The following CHODL variants were observed in gnomAD, a reference collection of about 807,000 sequenced individuals.
The protein encoded by CHODL is transmembrane protein MT75.
CHODL carries 29 observed loss-of-function variants against 34.5 expected under a neutral mutation model. The observed-to-expected ratio is 0.84, with a 90% CI of 0.63 to 1.15. The LOEUF is 1.15. Among genes scored for constraint, CHODL ranks in the 50% most tolerant of loss-of-function variants. CHODL has a pLI of 0.00. For missense variants in CHODL, 332 were observed against 332.5 expected, an observed-to-expected ratio of 1.00 and a Z score of 0.01; for synonymous variants, 125 against 116.1, an observed-to-expected ratio of 1.08 and a Z score of -0.49.
chr21:18,047,656 G>A (rs2146463218), intron 2 of CHODL, among the ~76,000 whole-genome samples: 1 of 152,032 alleles, frequency 6.6e-6, no homozygotes, highest in African/African-American at 2.4e-5. Flanking sequence ...AAACCCCAGA[G>A]TGCCACATAC....
intron 2 of CHODL, among the ~76,000 whole-genome samples, chr21:18,195,579 G>A (rs1381758167): frequency 6.6e-6 from 1 of 151,958 alleles, no homozygotes; most frequent in Non-Finnish European, 1.5e-5. Context: ...TCTGTGCCTG[G>A]CTTATTCCAC....
intron 5 of CHODL, among the ~76,000 whole-genome samples, chr21:18,263,904 T>C (rs2074413796): frequency 6.6e-6 from 1 of 150,632 alleles, no homozygotes; most frequent in South Asian, 2.1e-4. Flanking sequence ...TAATAACCTT[T>C]TTTTTTTTTT....
intron 2 of CHODL, among the ~76,000 whole-genome samples, chr21:18,215,288 C>T (rs991315380): frequency 1.3e-5 from 2 of 152,028 alleles, no homozygotes; most frequent in Non-Finnish European, 2.9e-5. Flanking sequence ...CCAGGTAGGG[C>T]TAGTCCTCCT....
intron 3 of CHODL, among the ~76,000 whole-genome samples, chr21:18,259,783 A>G (rs775742102): frequency 2.0e-5 from 3 of 152,222 alleles, no homozygotes; most frequent in Non-Finnish European, 4.4e-5. Context: ...GGGAAACCCA[A>G]ATAATACACT....
intron 2 of CHODL, among the ~76,000 whole-genome samples, chr21:18,210,799 A>G (rs1370872446): frequency 1.3e-5 from 2 of 152,170 alleles, no homozygotes; most frequent in Admixed American, 1.3e-4. Flanking sequence ...GACCCCTCAC[A>G]GTCTTATTTC....
chr21:18,127,672 G>GT (rs71318127), intron 2 of CHODL, among the ~76,000 whole-genome samples: 3,901 of 69,920 alleles, frequency 0.056, 625 homozygotes, highest in African/African-American at 0.11. Context: ...CGTTGCCATT[G>GT]TTTTTTTTTT....
At chr21:18,240,332 G>T (rs1359386058), upstream of CHODL, among the ~76,000 whole-genome samples, 1 of 152,010 alleles carries the variant, frequency 6.6e-6, no homozygotes, top group Non-Finnish European at 1.5e-5. Context: ...CAGTATTTCT[G>T]CAGTAGAATC....
chr21:18,213,179 T>C (rs1218482090), intron 2 of CHODL, among the ~76,000 whole-genome samples: 1 of 152,162 alleles, frequency 6.6e-6, no homozygotes, highest in Admixed American at 6.5e-5. Context: ...GACACTCTTA[T>C]AATTTAGTCA....
chr21:18,005,378 T>C (rs1428761938), intron 1 of CHODL, among the ~76,000 whole-genome samples: 2 of 152,260 alleles, frequency 1.3e-5, no homozygotes, highest in East Asian at 3.8e-4. Context: ...GTTTGCTTAA[T>C]AAAATAAAGA....
At chr21:17,936,617 T>G (rs185290952) in intron 1 of CHODL, among the ~76,000 whole-genome samples, 34 of 152,252 alleles carry the variant, frequency 2.2e-4, no homozygotes, top group Non-Finnish European at 2.9e-5. Context: ...TTTGCATACT[T>G]AAAATAATAA....
chr21:18,045,978 G>A (rs1309925872), intron 2 of CHODL, among the ~76,000 whole-genome samples: 1 of 151,896 alleles, frequency 6.6e-6, no homozygotes, highest in African/African-American at 2.4e-5. Flanking sequence ...ATAAATTTCT[G>A]TTCTTTATAA....
At chr21:18,232,959 ATATATATATATATG>A (rs1390000436) in intron 2 of CHODL, among the ~76,000 whole-genome samples, 6 of 143,114 alleles carry the variant, frequency 4.2e-5, no homozygotes, top group African/African-American at 1.6e-4. Context: ...ATATATATAT[ATATATATATATATG>A]TATATATATG....
Position 18,084,681 on chromosome 21 carries a change from C to G in CHODL, c.-45+56710C>G, listed in dbSNP as rs139858358. Among the ~76,000 whole-genome samples, 1,310 of 152,166 alleles carry G rather than the reference C, an allele frequency of 8.6e-3. 23 individuals carry two copies. Among genetic ancestry groups the G allele is most frequent in the South Asian group, 0.049 (236 of 4,818 alleles). On this transcript the variant is annotated intron_variant, in intron 2 of 6. Transcript: ENST00000400127. ...AAAAACTTTAAGACTTGTTTTATGGCCTAATACATGGTCTATCTTGGAGAA... is the reference window on the plus strand; with the variant it reads ...AAAAACTTTAAGACTTGTTTTATGGGCTAATACATGGTCTATCTTGGAGAA...
At chr21:18,257,276 T>C (rs2074329481) in intron 3 of CHODL, 149 bp downstream of exon 3, 5 of 692,786 alleles carry the variant, frequency 7.2e-6, no homozygotes, top group Non-Finnish European at 1.2e-5. Context: ...ACTCGTGTAA[T>C]GAAGCATATC....
At chr21:17,947,729 T>A (rs2146338310) in intron 1 of CHODL, among the ~76,000 whole-genome samples, 1 of 152,260 alleles carries the variant, frequency 6.6e-6, no homozygotes, top group Middle Eastern at 3.4e-3. Context: ...ACCAGCTCTT[T>A]GGAAAACAGG....
chr21:18,097,367 G>A (rs3962804), intron 2 of CHODL, among the ~76,000 whole-genome samples: 2,210 of 152,146 alleles, frequency 0.015, 48 homozygotes, highest in African/African-American at 0.049. Context: ...AAAACAAATT[G>A]AGTAAAGTTG....
intron 2 of CHODL, among the ~76,000 whole-genome samples, chr21:18,181,013 T>A (rs2073375480): frequency 6.6e-6 from 1 of 152,192 alleles, no homozygotes; most frequent in African/African-American, 2.4e-5. Context: ...AGCAACAGAT[T>A]TTTATTAGTA....
At chr21:18,135,836 C>T (rs536223423) in intron 2 of CHODL, among the ~76,000 whole-genome samples, 6 of 152,184 alleles carry the variant, frequency 3.9e-5, no homozygotes, top group Non-Finnish European at 7.4e-5. Context: ...TGGCCAGGCG[C>T]AGTGGCTCAT....
chr21:18,252,266 A>G (rs1307419612), intron 1 of CHODL, among the ~76,000 whole-genome samples: 1 of 152,174 alleles, frequency 6.6e-6, no homozygotes, highest in Non-Finnish European at 1.5e-5. Context: ...ATCCTTATCT[A>G]TCCCATAAAA....
Sources: gnomAD v4.1 joint callset for allele counts (sites outside exome capture counted in the v4.1 genomes callset) on GRCh38, gnomAD v4.1.1 for gene constraint, MANE v1.5 for transcripts, NCBI Gene and HGNC (gene_info 2026-07-23, HGNC 2026-07-21) for gene names.